The following CFAP299 variants were observed in gnomAD, a reference collection of about 807,000 sequenced individuals.
CFAP299 encodes cilia- and flagella-associated protein 299.
A neutral mutation model predicts 27.0 loss-of-function variants in CFAP299; 21 were observed. That is an observed-to-expected ratio of 0.78 (90% CI 0.55 to 1.12). CFAP299 has a LOEUF of 1.12. Among genes scored for constraint, CFAP299 ranks in the 50% most tolerant of loss-of-function variants. The pLI is 0.00. For synonymous variants in CFAP299, 104 were observed against 98.1 expected (o/e 1.06, Z -0.36); for missense variants, 310 against 276.6 (o/e 1.12, Z -0.86).
chr4:80,869,569 A>T (rs1333897406), intron 3 of CFAP299, among the ~76,000 whole-genome samples: 1 of 152,124 alleles, frequency 6.6e-6, no homozygotes, highest in African/African-American at 2.4e-5. Flanking sequence ...GCTGGAGTGC[A>T]GTGGCACGTT....
At chr4:80,691,955 G>C (rs1490882049) in intron 3 of CFAP299, among the ~76,000 whole-genome samples, 1 of 152,026 alleles carries the variant, frequency 6.6e-6, no homozygotes, top group African/African-American at 2.4e-5. Flanking sequence ...TTGCTTCAAA[G>C]AGAATAAAAT....
chr4:80,648,522 ACTC>A, intron 3 of CFAP299, among the ~76,000 whole-genome samples: 1 of 152,136 alleles, frequency 6.6e-6, no homozygotes, highest in East Asian at 1.9e-4. Flanking sequence ...AGTTCATTTC[ACTC>A]CTCTTTCGTG....
At chr4:80,920,445 T>C (rs187570042) in intron 4 of CFAP299, among the ~76,000 whole-genome samples, 26 of 152,246 alleles carry the variant, frequency 1.7e-4, no homozygotes, top group Non-Finnish European at 3.5e-4. Flanking sequence ...ATGACTGAAG[T>C]CTTTATAAGA....
In CFAP299 at chr4:80,335,754, G is replaced by T; in HGVS notation, c.-15G>T. On this transcript the variant is annotated 5_prime_UTR_variant, in exon 1 of 6. Coordinates refer to ENST00000358105, the MANE Select transcript of CFAP299 (RefSeq NM_152770.3). ...TGCTTCCGTTGCTAGGGACGCTTCG[G>T]CCGAGGATACCGCAATGGATCAGGA... is the stretch of plus-strand genomic sequence containing the variant. The T allele has an allele frequency of 6.5e-7, 1 of 1,548,634 alleles. No individual in the cohort carries two copies. Among genetic ancestry groups the T allele is most frequent in the Non-Finnish European group, 8.9e-7 (1 of 1,120,560 alleles).
chr4:80,869,919 A>G lies in CFAP299; in HGVS notation c.334-74A>G. 5 of 1,402,228 alleles carry G rather than the reference A, an allele frequency of 3.6e-6. No individual in the cohort carries two copies. The South Asian group carries it at 5.6e-5, about 16-fold the overall frequency. 86.9% of individuals were successfully genotyped at this position (1,402,228 alleles called of 1,614,324 possible). On this transcript the variant is annotated intron_variant, in intron 3 of 5. Coordinates refer to ENST00000358105, the MANE Select transcript of CFAP299 (RefSeq NM_152770.3). ...GTCACTCATATTAGTGTTTTACATC[A>G]TTCTATCCTATGGCATTCCATAATA...
chr4:80,368,931 A>C (rs1368016329), intron 2 of CFAP299, among the ~76,000 whole-genome samples: 1 of 136,734 alleles, frequency 7.3e-6, no homozygotes, highest in Non-Finnish European at 1.6e-5. Context: ...GAGAATTAGG[A>C]GTGCACAAGG....
intron 2 of CFAP299, among the ~76,000 whole-genome samples, chr4:80,565,907 G>A (rs1735259472): frequency 6.6e-6 from 1 of 152,066 alleles, no homozygotes; most frequent in Non-Finnish European, 1.5e-5. Flanking sequence ...TGATAGAGAT[G>A]TGAGTGTATC....
In CFAP299 at chr4:80,387,897, G is replaced by A. The variant is rs961255276; in HGVS notation, c.242+25013G>A. The stretch of plus-strand genomic sequence containing the variant: ...GTGGAGAGTCAAAGATGGCCACGGT[G>A]CCCCCGGTGGCACTGGTCATGGGGC... On this transcript the variant is annotated intron_variant, in intron 2 of 5. Transcript: ENST00000358105. The A allele has an allele frequency of 2.1e-4, 199 of 956,354 alleles. No homozygotes were observed. In the East Asian group the frequency reaches 4.8e-3, roughly 23 times the overall value. The allele number at this position is 956,354 out of a possible 1,614,324, so 59.2% of individuals were successfully genotyped here.
chr4:80,515,968 G>A (rs949879888), intron 2 of CFAP299, among the ~76,000 whole-genome samples: 5 of 151,282 alleles, frequency 3.3e-5, no homozygotes, highest in Non-Finnish European at 5.9e-5. Flanking sequence ...TTAATTTAGC[G>A]GACCAAAATA....
Position 80,908,019 on chromosome 4 carries a change from C to T in CFAP299, c.477-36791C>T, listed in dbSNP as rs150342181. 5.0e-3 allele frequency among the ~76,000 whole-genome samples: 757 copies of T among 152,278 alleles called. 9 individuals carry two copies. The highest frequency in any genetic ancestry group is 0.019 in the South Asian group (90 of 4,826). ...CAGAGTTTCACTGTGGCGAAGGGCT[C>T]GTCCATAACATTTTTCATCATTCTT... On this transcript the variant is annotated intron_variant, in intron 4 of 5. Coordinates refer to ENST00000358105, the MANE Select transcript of CFAP299 (RefSeq NM_152770.3).
At chr4:80,444,753 G>A (rs1308782467) in intron 2 of CFAP299, among the ~76,000 whole-genome samples, 1 of 152,086 alleles carries the variant, frequency 6.6e-6, no homozygotes, top group Non-Finnish European at 1.5e-5. Context: ...ACCTACAGAT[G>A]GGAGAAAATT....
rs1378554173 is a variant in CFAP299, at chr4:80,400,493, G to GCACTA, written c.242+37609_242+37610insCACTA. Among the ~76,000 whole-genome samples the GCACTA allele has an allele frequency of 3.6e-3, 544 of 152,234 alleles. 2 individuals are homozygous for GCACTA. The highest frequency in any genetic ancestry group is 0.012 in the African/African-American group (503 of 41,538). On this transcript the variant is annotated intron_variant, in intron 2 of 5. Coordinates refer to ENST00000358105, the MANE Select transcript of CFAP299 (RefSeq NM_152770.3). ...TTGCTATTCTTGTGATAGTGAATAA[G>GCACTA]TCTCACGAGATCTGATGGGTTTATC...
chr4:80,751,074 G>T (rs1387724433), intron 3 of CFAP299, among the ~76,000 whole-genome samples: 3 of 152,236 alleles, frequency 2.0e-5, no homozygotes, highest in Admixed American at 2.0e-4. Flanking sequence ...GAGGTGTTGT[G>T]GTCATCTGGA....
chr4:80,342,474 G>A (rs1057412964), intron 1 of CFAP299, among the ~76,000 whole-genome samples: 1 of 152,210 alleles, frequency 6.6e-6, no homozygotes, highest in Non-Finnish European at 1.5e-5. Context: ...GGACCTCTCA[G>A]TGGAAACCCT....
At chr4:80,351,390 T>G (rs1269278261) in intron 1 of CFAP299, among the ~76,000 whole-genome samples, 1 of 152,136 alleles carries the variant, frequency 6.6e-6, no homozygotes, top group Non-Finnish European at 1.5e-5. Context: ...GTTCTTATAC[T>G]TGAGATGGTG....
At chr4:80,327,901 A>T in the CFAP299 span, among the ~76,000 whole-genome samples, 1 of 151,368 alleles carries the variant, frequency 6.6e-6, no homozygotes, top group African/African-American at 2.4e-5. Flanking sequence ...AAAAAGTTAC[A>T]CTAATAAGAA....
At chr4:80,515,875 GA>G (rs1213311700) in intron 2 of CFAP299, among the ~76,000 whole-genome samples, 3 of 152,148 alleles carry the variant, frequency 2.0e-5, no homozygotes, top group Non-Finnish European at 4.4e-5. Flanking sequence ...AGCCTTTGCT[GA>G]AGGAGCTGAT....
At chr4:80,726,402 AAAAG>A (rs762307966) in intron 3 of CFAP299, among the ~76,000 whole-genome samples, 19 of 152,100 alleles carry the variant, frequency 1.2e-4, no homozygotes, top group Non-Finnish European at 2.1e-4. Flanking sequence ...TTAAACTGTT[AAAAG>A]AAAGAAAAAG....
At chr4:80,769,018 A>G (rs1481823895) in intron 3 of CFAP299, among the ~76,000 whole-genome samples, 1 of 152,226 alleles carries the variant, frequency 6.6e-6, no homozygotes, top group Non-Finnish European at 1.5e-5. Context: ...ATGCTTTCCA[A>G]AAGTGAAGAC....
Sources: allele counts gnomAD v4.1 joint callset (sites outside exome capture counted in the v4.1 genomes callset), GRCh38; gene constraint gnomAD v4.1.1; transcripts MANE v1.5; gene names NCBI Gene and HGNC (gene_info 2026-07-23, HGNC 2026-07-21).